AUTS2: variants seen among roughly 807,000 people sequenced by gnomAD.
AUTS2 encodes the protein activator of transcription and developmental regulator AUTS2, also known as autism susceptibility gene 2 protein.
AUTS2 carries 17 observed loss-of-function variants against 112.4 expected under a neutral mutation model. That is an observed-to-expected ratio of 0.15 (90% CI 0.10 to 0.23). The LOEUF is 0.23. Among genes scored for constraint, AUTS2 ranks in the 10% least tolerant of loss-of-function variants. AUTS2 has a pLI of 1.00. For synonymous variants in AUTS2, 751 were observed against 702.7 expected (o/e 1.07, Z -1.09); for missense variants, 1,510 against 1,701.6 (o/e 0.89, Z 1.98).
intron 6 of AUTS2, 116 bp from the exon 7 acceptor site, chr7:70,762,754 G>C (rs1789647526): frequency 3.8e-6 from 3 of 790,468 alleles, no homozygotes; most frequent in Non-Finnish European, 4.4e-6. Flanking sequence ...AGCCAGGAGG[G>C]TTGGTGCCAG....
At chr7:69,668,018 T>A (rs1796149172) in intron 1 of AUTS2, among the ~76,000 whole-genome samples, 1 of 152,214 alleles carries the variant, frequency 6.6e-6, no homozygotes, top group South Asian at 2.1e-4. Flanking sequence ...ATCTTTTGTT[T>A]GAGGCTTACT....
At chr7:70,518,666 G>C (rs900781942) in intron 5 of AUTS2, among the ~76,000 whole-genome samples, 1 of 150,242 alleles carries the variant, frequency 6.7e-6, no homozygotes, top group Non-Finnish European at 1.5e-5. Flanking sequence ...CTGGGCGACA[G>C]AGTGAGACTC....
intron 5 of AUTS2, among the ~76,000 whole-genome samples, chr7:70,453,408 G>A (rs966975668): frequency 2.6e-5 from 4 of 152,204 alleles, no homozygotes; most frequent in African/African-American, 9.7e-5. Flanking sequence ...ACAGAGCAAT[G>A]TAACATAGGA....
At chr7:70,217,462 G>T (rs1390887207) in intron 4 of AUTS2, among the ~76,000 whole-genome samples, 1 of 152,210 alleles carries the variant, frequency 6.6e-6, no homozygotes, top group African/African-American at 2.4e-5. Context: ...GGCGAATAAA[G>T]CTGAGTGGCA....
In AUTS2 at chr7:70,125,245, ATGTGTGTGTGTG is replaced by A. The variant is rs59747508; in HGVS notation, c.624+7042_624+7053del. 2.3e-3 allele frequency among the ~76,000 whole-genome samples: 328 copies of A among 144,886 alleles called. 1 individual carries two copies. Among genetic ancestry groups the A allele is most frequent in the African/African-American group, 5.8e-3 (231 of 39,574 alleles). ...TGGGATACAATTTTGTTATTTGGAG[ATGTGTGTGTGTG>A]TGTGTGTGTGTGTGTGTGTGTGTGT... is the stretch of plus-strand genomic sequence containing the variant. On this transcript the variant is annotated intron_variant, in intron 3 of 18. Coordinates refer to ENST00000342771, the MANE Select transcript of AUTS2 (RefSeq NM_015570.4).
In AUTS2 at chr7:70,178,374, A is replaced by T. The variant is rs1163799700; in HGVS notation, c.660+43803A>T. On this transcript the variant is annotated intron_variant, in intron 4 of 18. Coordinates refer to ENST00000342771, the MANE Select transcript of AUTS2 (RefSeq NM_015570.4). ...GAGGGTTGGTTCTCTTGGTTTCCTT[A>T]GTCATTATTGACATCATCTATAACT... Among the ~76,000 whole-genome samples the T allele has an allele frequency of 2.6e-5, 4 of 152,122 alleles. No individual in the cohort carries two copies. The East Asian group carries it at 7.7e-4, about 29-fold the overall frequency.
At chr7:70,485,683 A>T (rs552257283) in intron 5 of AUTS2, among the ~76,000 whole-genome samples, 5 of 146,556 alleles carry the variant, frequency 3.4e-5, no homozygotes, top group African/African-American at 1.4e-4. Flanking sequence ...CGAGACTCAT[A>T]TGTGTGTTTC....
chr7:69,606,564 G>GT (rs1268294812), intron 1 of AUTS2, among the ~76,000 whole-genome samples: 1 of 151,938 alleles, frequency 6.6e-6, no homozygotes, highest in East Asian at 1.9e-4. Flanking sequence ...GTTTCATGCT[G>GT]TTTTTTTCCT....
intron 5 of AUTS2, among the ~76,000 whole-genome samples, chr7:70,534,692 C>G (rs1161294806): frequency 6.6e-6 from 1 of 152,148 alleles, no homozygotes; most frequent in Non-Finnish European, 1.5e-5. Flanking sequence ...TCCCAAAGTG[C>G]TGGGATTACA....
intron 4 of AUTS2, among the ~76,000 whole-genome samples, chr7:70,136,267 T>C (rs1001488277): frequency 6.6e-6 from 1 of 152,210 alleles, no homozygotes; most frequent in Non-Finnish European, 1.5e-5. Context: ...AGACTTACTT[T>C]GCTTACATAA....
chr7:70,286,385 G>A (rs1016493545), intron 4 of AUTS2, among the ~76,000 whole-genome samples: 5 of 152,260 alleles, frequency 3.3e-5, no homozygotes, highest in African/African-American at 9.6e-5. Context: ...AGGGTCCTGC[G>A]TGTGTACCAC....
intron 1 of AUTS2, among the ~76,000 whole-genome samples, chr7:69,822,390 G>A (rs888501114): frequency 6.6e-6 from 1 of 152,212 alleles, no homozygotes; most frequent in Non-Finnish European, 1.5e-5. Context: ...GGTAGGTCAA[G>A]GTGGGAGGAC....
chr7:70,188,208 T>C (rs1373972447), intron 4 of AUTS2, among the ~76,000 whole-genome samples: 2 of 152,198 alleles, frequency 1.3e-5, no homozygotes, highest in Non-Finnish European at 2.9e-5. Flanking sequence ...ACCTCCCAAA[T>C]AATGAAACAT....
intron 5 of AUTS2, among the ~76,000 whole-genome samples, chr7:70,505,726 A>G (rs547757045): frequency 2.0e-5 from 3 of 152,230 alleles, no homozygotes; most frequent in South Asian, 4.1e-4. Flanking sequence ...TCAGACAGAA[A>G]ATGCAGCTGG....
chr7:69,617,087 G>A (rs575597400), intron 1 of AUTS2, among the ~76,000 whole-genome samples: 1 of 152,264 alleles, frequency 6.6e-6, no homozygotes, highest in Admixed American at 6.5e-5. Context: ...ATGTTGGGAG[G>A]TGACAGGGGA....
chr7:69,775,365 C>G (rs1788847186), intron 1 of AUTS2, among the ~76,000 whole-genome samples: 1 of 152,214 alleles, frequency 6.6e-6, no homozygotes, highest in African/African-American at 2.4e-5. Context: ...ATCCCTGATG[C>G]AGTCATCACG....
intron 2 of AUTS2, among the ~76,000 whole-genome samples, chr7:70,117,099 C>CTTTTTTTTT (rs1562710037): frequency 9.9e-6 from 1 of 101,402 alleles, no homozygotes; most frequent in African/African-American, 4.1e-5. Context: ...CATGAGATGA[C>CTTTTTTTTT]TTTTGTTTTT....
At chr7:70,301,725 A>T (rs934637362) in intron 4 of AUTS2, among the ~76,000 whole-genome samples, 6 of 74,152 alleles carry the variant, frequency 8.1e-5, no homozygotes, top group South Asian at 4.8e-4. Flanking sequence ...ACATACATTT[A>T]AAAAAAATGC....
chr7:70,634,300 G>A (rs892202049), intron 5 of AUTS2, among the ~76,000 whole-genome samples: 23 of 152,230 alleles, frequency 1.5e-4, no homozygotes, highest in African/African-American at 5.3e-4. Flanking sequence ...GAGGCTGTGC[G>A]CTGCAGAGCA....
Sources: allele counts gnomAD v4.1 joint callset (sites outside exome capture counted in the v4.1 genomes callset), GRCh38; gene constraint gnomAD v4.1.1; transcripts MANE v1.5; gene names NCBI Gene and HGNC (gene_info 2026-07-23, HGNC 2026-07-21).